Variants in MAPK8 observed in about 807,000 individuals in gnomAD.
The protein encoded by MAPK8 is mitogen-activated protein kinase 8, also known as JUN N-terminal kinase.
A neutral mutation model predicts 52.9 loss-of-function variants in MAPK8; 13 were observed. The observed-to-expected ratio is 0.25, with a 90% CI of 0.16 to 0.39. The LOEUF (loss-of-function observed/expected upper bound fraction) is 0.39. MAPK8 is among the 10% of genes least tolerant of loss of function. MAPK8 has a pLI of 1.00. For missense variants in MAPK8, 300 were observed against 519.2 expected (o/e 0.58, Z 4.10); for synonymous variants, 191 against 169.8 (o/e 1.12, Z -0.97).
chr10:48,338,665 C>T (rs1003394176), intron 1 of MAPK8, among the ~76,000 whole-genome samples: 1 of 151,990 alleles, frequency 6.6e-6, no homozygotes, highest in South Asian at 2.1e-4. Context: ...GATCCTGTAC[C>T]TAAAAAAACC....
At chr10:48,341,328 A>T (rs2132337766) in intron 1 of MAPK8, among the ~76,000 whole-genome samples, 1 of 152,352 alleles carries the variant, frequency 6.6e-6, no homozygotes, top group African/African-American at 2.4e-5. Flanking sequence ...GGACACTCAT[A>T]CTTGAAGTAC....
chr10:48,330,773 C>T (rs1177312333), intron 1 of MAPK8, among the ~76,000 whole-genome samples: 1 of 152,170 alleles, frequency 6.6e-6, no homozygotes, highest in African/African-American at 2.4e-5. Context: ...TCATTATCCC[C>T]CTTAAAAGGT....
At chr10:48,349,817 T>C (rs893259264) in intron 1 of MAPK8, among the ~76,000 whole-genome samples, 4 of 152,118 alleles carry the variant, frequency 2.6e-5, no homozygotes, top group Admixed American at 6.5e-5. Flanking sequence ...CCTCAAAAAA[T>C]CAGTGAATCC....
At chr10:48,345,599 T>G (rs1180465030) in intron 1 of MAPK8, among the ~76,000 whole-genome samples, 2 of 152,218 alleles carry the variant, frequency 1.3e-5, no homozygotes, top group Non-Finnish European at 2.9e-5. Flanking sequence ...ATGGGATAGA[T>G]ATACTTTTCC....
At chr10:48,335,270 G>A (rs1844576476) in intron 1 of MAPK8, among the ~76,000 whole-genome samples, 1 of 151,918 alleles carries the variant, frequency 6.6e-6, no homozygotes, top group South Asian at 2.1e-4. Context: ...AGTTTATTAT[G>A]TTTAAATAAA....
rs1396179054 is a variant in MAPK8, at chr10:48,439,354, T to A, written c.*4325T>A. Reference sequence around the variant, plus strand: ...AAAAAGAAAAAAGTGGTATGAAAATTATGAAATTAAGAGTTTTTTCATTGA... The same window carrying A: ...AAAAAGAAAAAAGTGGTATGAAAATAATGAAATTAAGAGTTTTTTCATTGA... On this transcript the variant is annotated 3_prime_UTR_variant, in exon 12 of 12. Transcript: ENST00000374189. 2 of 151,364 alleles carry A rather than the reference T, an allele frequency of 1.3e-5. No individual in the cohort carries two copies. Among genetic ancestry groups the A allele is most frequent in the Non-Finnish European group, 2.9e-5 (2 of 67,914 alleles). The allele number at this position is 151,364 out of a possible 1,614,324, so 9.4% of individuals were successfully genotyped here.
intron 3 of MAPK8, among the ~76,000 whole-genome samples, chr10:48,407,590 CTTTTA>C (rs2042540664): frequency 6.6e-6 from 1 of 152,088 alleles, no homozygotes; most frequent in African/African-American, 2.4e-5. Context: ...GTTTGAATCT[CTTTTA>C]TAACAGCTTT....
At chr10:48,330,272 C>T (rs1844005494) in intron 1 of MAPK8, among the ~76,000 whole-genome samples, 1 of 152,156 alleles carries the variant, frequency 6.6e-6, no homozygotes, top group Non-Finnish European at 1.5e-5. Flanking sequence ...TATGCTAAGA[C>T]TGCCATCTCT....
chr10:48,319,451 T>G (rs1252439919), intron 1 of MAPK8, among the ~76,000 whole-genome samples: 1 of 152,160 alleles, frequency 6.6e-6, no homozygotes, highest in East Asian at 1.9e-4. Context: ...AACAGCCACT[T>G]ACCCACTTTC....
At chr10:48,396,809 A>G (rs1330800368) in intron 1 of MAPK8, among the ~76,000 whole-genome samples, 1 of 152,232 alleles carries the variant, frequency 6.6e-6, no homozygotes, top group Non-Finnish European at 1.5e-5. Context: ...TCTTTTCCCT[A>G]TTATAAAAAT....
intron 1 of MAPK8, among the ~76,000 whole-genome samples, chr10:48,344,660 C>T (rs1242526610): frequency 6.6e-6 from 1 of 152,060 alleles, no homozygotes; most frequent in Non-Finnish European, 1.5e-5. Flanking sequence ...TTTAAAATAT[C>T]TTCTATAAGC....
intron 1 of MAPK8, among the ~76,000 whole-genome samples, chr10:48,317,832 G>A (rs1564472169): frequency 6.6e-6 from 1 of 152,164 alleles, no homozygotes; most frequent in Non-Finnish European, 1.5e-5. Context: ...CGGGCAGAAA[G>A]GGATGGGAGT....
At chr10:48,324,598 A>G (rs1843316164) in intron 1 of MAPK8, among the ~76,000 whole-genome samples, 1 of 143,804 alleles carries the variant, frequency 7.0e-6, no homozygotes, top group South Asian at 2.1e-4. Flanking sequence ...GATTTGTCTG[A>G]TTTTCTTGTA....
At chr10:48,427,255 G>A (rs1454673270) in intron 10 of MAPK8, 112 bp downstream of exon 10, 3 of 639,810 alleles carry the variant, frequency 4.7e-6, no homozygotes, top group African/African-American at 3.7e-5. Flanking sequence ...TAACCGAAAT[G>A]TGGTAATATT....
intron 10 of MAPK8, among the ~76,000 whole-genome samples, chr10:48,428,116 C>T (rs1401063651): frequency 1.3e-5 from 2 of 152,142 alleles, no homozygotes; most frequent in Admixed American, 6.5e-5. Flanking sequence ...TCTCTTTGCC[C>T]TCACCCTTGC....
chr10:48,327,108 T>C (rs556378611), intron 1 of MAPK8, among the ~76,000 whole-genome samples: 1 of 152,346 alleles, frequency 6.6e-6, no homozygotes, highest in South Asian at 2.1e-4. Flanking sequence ...GGTATGATGT[T>C]GAATAGGAGT....
intron 1 of MAPK8, among the ~76,000 whole-genome samples, chr10:48,400,300 A>G (rs900109605): frequency 2.6e-5 from 4 of 152,220 alleles, no homozygotes; most frequent in Admixed American, 6.5e-5. Flanking sequence ...TTTAAAATGT[A>G]TCCAAGTCTA....
chr10:48,431,302 C>A lies in MAPK8; in HGVS notation c.1138+32C>A, dbSNP rs563677532. On this transcript the variant is annotated intron_variant, in intron 11 of 11. Transcript: ENST00000374189. Reference sequence around the variant, plus strand: ...TACAATATAAGCTTGGTTAAGATTACAGTTTACTTCTTGTGTTGTAATCTT... The same window carrying A: ...TACAATATAAGCTTGGTTAAGATTAAAGTTTACTTCTTGTGTTGTAATCTT... The A allele has an allele frequency of 9.7e-6, 14 of 1,440,118 alleles. No homozygotes were observed. In the Admixed American group the frequency reaches 2.0e-4, roughly 20 times the overall value. The allele number at this position is 1,440,118 out of a possible 1,614,324, so 89.2% of individuals were successfully genotyped here. A position where few individuals can be genotyped will look rare whatever the true frequency, so the allele number is the denominator to read the frequency against.
At position 48,424,077 on chromosome 10, in the gene MAPK8, C is replaced by T. The variant is rs561164771; in HGVS notation, c.617-11C>T. The T allele has an allele frequency of 2.5e-6, 4 of 1,604,608 alleles. No homozygotes were observed. The East Asian group carries it at 6.7e-5, about 27-fold the overall frequency. ...CTTTGCTTTTCCTTCTTTTGTGCTG[C>T]AAACATATAGTGGATTTATGGTCTG... On this transcript the variant is annotated splice_polypyrimidine_tract_variant and intron_variant, in intron 6 of 11. Transcript: ENST00000374189.
Sources: gnomAD v4.1 joint callset for allele counts (sites outside exome capture counted in the v4.1 genomes callset) on GRCh38, gnomAD v4.1.1 for gene constraint, MANE v1.5 for transcripts, NCBI Gene and HGNC (gene_info 2026-07-23, HGNC 2026-07-21) for gene names.